Variants in NUDCD3 observed in about 807,000 individuals in gnomAD.
NUDCD3 encodes nudC domain-containing protein 3.
A neutral mutation model predicts 39.7 loss-of-function variants in NUDCD3; 13 were observed. The observed-to-expected ratio is 0.33, with a 90% confidence interval of 0.21 to 0.52. The LOEUF (loss-of-function observed/expected upper bound fraction) is 0.52. Among genes scored for constraint, NUDCD3 ranks in the 20% least tolerant of loss-of-function variants. The probability of loss-of-function intolerance (pLI) is 0.96; values close to 1 mark genes in which losing one functional copy is unlikely to be tolerated. For missense variants in NUDCD3, 453 were observed against 458.1 expected (o/e 0.99, Z 0.10); for synonymous variants, 175 against 172.4 (o/e 1.02, Z -0.12).
intron 2 of NUDCD3, chr7:44,468,292 A>C: frequency 6.3e-7 from 1 of 1,579,134 alleles, no homozygotes; most frequent in Non-Finnish European, 8.6e-7. Flanking sequence ...TGCGCAGCGA[A>C]GAAAATGAGT....
At chr7:44,488,628 A>C (rs1358832725) in intron 1 of NUDCD3, among the ~76,000 whole-genome samples, 1 of 152,196 alleles carries the variant, frequency 6.6e-6, no homozygotes, top group Non-Finnish European at 1.5e-5. Flanking sequence ...TTCAAGTTCA[A>C]CCTGTCTAAA....
intron 2 of NUDCD3, among the ~76,000 whole-genome samples, chr7:44,472,991 C>G (rs1439131634): frequency 6.6e-6 from 1 of 152,194 alleles, no homozygotes; most frequent in South Asian, 2.1e-4. Flanking sequence ...GATATTCATA[C>G]ACATGTTCCA....
intron 2 of NUDCD3, among the ~76,000 whole-genome samples, chr7:44,453,997 TG>T: frequency 6.6e-6 from 1 of 151,816 alleles, no homozygotes; most frequent in Non-Finnish European, 1.5e-5. Flanking sequence ...GAGCTGTGGT[TG>T]TGCCATTGCG....
intron 2 of NUDCD3, among the ~76,000 whole-genome samples, chr7:44,483,627 G>T (rs1014495566): frequency 1.3e-5 from 2 of 151,854 alleles, no homozygotes; most frequent in African/African-American, 2.4e-5. Flanking sequence ...TGTTTTCTTC[G>T]AACTCCATTA....
At chr7:44,449,098 T>C (rs1213200946) in intron 2 of NUDCD3, among the ~76,000 whole-genome samples, 1 of 152,158 alleles carries the variant, frequency 6.6e-6, no homozygotes, top group African/African-American at 2.4e-5. Context: ...CTTCAGGCTC[T>C]GGGAATGGAT....
chr7:44,462,158 C>G (rs1800029099), intron 2 of NUDCD3, among the ~76,000 whole-genome samples: 1 of 152,224 alleles, frequency 6.6e-6, no homozygotes, highest in Non-Finnish European at 1.5e-5. Context: ...CACACTCTCT[C>G]TCTCTCTCTC....
chr7:44,422,679 G>A lies in NUDCD3; in HGVS notation c.642+4892C>T, dbSNP rs140558046. ...CAACCAAAAAAGCTCAGGGCCAGAC[G>A]GATTCACAGCCGAATTCTACCAGAG... is the stretch of plus-strand genomic sequence containing the variant. On this transcript the variant is annotated intron_variant, in intron 3 of 5. Coordinates refer to ENST00000355451, the MANE Select transcript of NUDCD3 (RefSeq NM_015332.4). 5.7e-3 allele frequency among the ~76,000 whole-genome samples: 873 copies of A among 152,250 alleles called. 5 individuals are homozygous for A. The highest frequency in any genetic ancestry group is 0.02 in the African/African-American group (826 of 41,548).
chr7:44,464,712 C>A (rs1209611579), intron 2 of NUDCD3, among the ~76,000 whole-genome samples: 2 of 152,210 alleles, frequency 1.3e-5, no homozygotes, highest in African/African-American at 4.8e-5. Context: ...CCTTGGCCTC[C>A]CAAAGGGCTA....
chr7:44,411,188 C>A (rs1283456828), intron 3 of NUDCD3, among the ~76,000 whole-genome samples: 2 of 151,950 alleles, frequency 1.3e-5, no homozygotes, highest in African/African-American at 2.4e-5. Flanking sequence ...GGATCAAAAA[C>A]CTAAATGCAA....
chr7:44,424,122 A>C (rs1390854385), intron 3 of NUDCD3, among the ~76,000 whole-genome samples: 1 of 152,210 alleles, frequency 6.6e-6, no homozygotes, highest in Admixed American at 6.5e-5. Flanking sequence ...CCCCTTCCTT[A>C]CACCTGATAC....
chr7:44,386,262 GA>G (rs1157590588), intron 5 of NUDCD3, 141 bp from the exon 6 acceptor site: 2 of 863,898 alleles, frequency 2.3e-6, no homozygotes, highest in Non-Finnish European at 3.6e-6. Flanking sequence ...GCTGGCCAGA[GA>G]ACTGTACTAC....
intron 2 of NUDCD3, among the ~76,000 whole-genome samples, chr7:44,448,152 C>T (rs1370507246): frequency 6.6e-6 from 1 of 152,252 alleles, no homozygotes; most frequent in Admixed American, 6.5e-5. Flanking sequence ...CTTCAGCCTC[C>T]ACTCTCCTTG....
intron 2 of NUDCD3, among the ~76,000 whole-genome samples, chr7:44,456,025 CAAAAAAAAAA>C (rs1233592095): frequency 2.8e-4 from 8 of 28,498 alleles, no homozygotes; most frequent in African/African-American, 7.6e-4. Context: ...GACTCCGTCT[CAAAAAAAAAA>C]AAAAAAAAAA....
chr7:44,463,305 G>C (rs926061380), intron 2 of NUDCD3, among the ~76,000 whole-genome samples: 8 of 152,134 alleles, frequency 5.3e-5, no homozygotes, highest in Admixed American at 2.0e-4. Flanking sequence ...GAGAGAAGGA[G>C]AGTTGGACAC....
intron 3 of NUDCD3, among the ~76,000 whole-genome samples, chr7:44,415,029 C>G (rs1798994936): frequency 6.6e-6 from 1 of 152,202 alleles, no homozygotes; most frequent in Non-Finnish European, 1.5e-5. Context: ...TCAAGGGAAA[C>G]AGATTCACTT....
chr7:44,459,685 G>A (rs1425895915), intron 2 of NUDCD3, among the ~76,000 whole-genome samples: 1 of 152,150 alleles, frequency 6.6e-6, no homozygotes, highest in East Asian at 1.9e-4. Context: ...ACATATGGTG[G>A]AGAAGAAGAT....
chr7:44,399,618 A>G (rs569479117), intron 4 of NUDCD3, among the ~76,000 whole-genome samples: 2 of 152,334 alleles, frequency 1.3e-5, no homozygotes, highest in South Asian at 4.1e-4. Flanking sequence ...ATCTGGGTAA[A>G]TTAGCAAAGA....
intron 1 of NUDCD3, among the ~76,000 whole-genome samples, chr7:44,489,240 G>A (rs927720297): frequency 2.6e-5 from 4 of 152,236 alleles, no homozygotes; most frequent in Non-Finnish European, 5.9e-5. Context: ...CCTGCCATAA[G>A]ATCCTGCTAA....
chr7:44,431,061 A>G (rs1355204169), intron 2 of NUDCD3, among the ~76,000 whole-genome samples: 1 of 152,204 alleles, frequency 6.6e-6, no homozygotes, highest in South Asian at 2.1e-4. Context: ...TGCTTTTTAT[A>G]GTGCTCTGAA....
Sources: gnomAD v4.1 joint callset for allele counts (sites outside exome capture counted in the v4.1 genomes callset) on GRCh38, gnomAD v4.1.1 for gene constraint, MANE v1.5 for transcripts, NCBI Gene and HGNC (gene_info 2026-07-23, HGNC 2026-07-21) for gene names.